FGF9: variants seen among roughly 807,000 people sequenced by gnomAD.
FGF9 encodes fibroblast growth factor 9 (glia-activating factor).
In FGF9, 3 loss-of-function variants were observed where a neutral mutation model predicts 19.9. The observed-to-expected ratio is 0.15, with a 90% CI of 0.07 to 0.39. The LOEUF is 0.39. Among genes scored for constraint, FGF9 ranks in the 10% least tolerant of loss-of-function variants. The pLI, the probability that FGF9 is intolerant of heterozygous loss-of-function variation, is 1.00. For synonymous variants in FGF9, 107 were observed against 106.9 expected (o/e 1.00, Z -0.01); for missense variants, 175 against 256.8 (o/e 0.68, Z 2.18).
chr13:21,685,099 G>C (rs531506948), intron 2 of FGF9, among the ~76,000 whole-genome samples: 2 of 152,126 alleles, frequency 1.3e-5, no homozygotes, highest in Admixed American at 6.5e-5. Flanking sequence ...GGAAAGAAAC[G>C]GGCAATGGTT....
rs1872582119 is a variant in FGF9, at chr13:21,702,968, T to A, written c.*1533T>A. 1.3e-5 allele frequency: 2 copies of A among 152,240 alleles called. No individual in the cohort carries two copies. The highest frequency in any genetic ancestry group is 1.3e-4 in the Admixed American group (2 of 15,288). 9.4% of individuals were successfully genotyped at this position (152,240 alleles called of 1,614,324 possible). On this transcript the variant is annotated 3_prime_UTR_variant, in exon 3 of 3. Coordinates refer to ENST00000382353, the MANE Select transcript of FGF9 (RefSeq NM_002010.3). ...TATCTTTTACAAGGCTTTTATAACA[T>A]TTTATGCTGAAAAGCATAAGAATAC...
At chr13:21,680,740 C>T (rs1872022359) in intron 1 of FGF9, among the ~76,000 whole-genome samples, 1 of 152,196 alleles carries the variant, frequency 6.6e-6, no homozygotes, top group African/African-American at 2.4e-5. Flanking sequence ...ACTGGTTTTT[C>T]TGTCCTATTA....
chr13:21,690,636 A>G (rs948847634), intron 2 of FGF9, among the ~76,000 whole-genome samples: 4 of 152,062 alleles, frequency 2.6e-5, no homozygotes, highest in Non-Finnish European at 5.9e-5. Flanking sequence ...CTTGCTTGTA[A>G]CCCCCAAATC....
At chr13:21,678,511 C>G (rs1871966732) in intron 1 of FGF9, among the ~76,000 whole-genome samples, 1 of 152,042 alleles carries the variant, frequency 6.6e-6, no homozygotes, top group African/African-American at 2.4e-5. Flanking sequence ...ACTAAATGCT[C>G]AAGAATTTTT....
At chr13:21,696,578 A>G (rs1872414827) in intron 2 of FGF9, among the ~76,000 whole-genome samples, 1 of 152,208 alleles carries the variant, frequency 6.6e-6, no homozygotes, top group South Asian at 2.1e-4. Flanking sequence ...TGAGTTCTAT[A>G]ATTCTAGAGT....
Position 21,701,629 on chromosome 13 carries a change from G to T in FGF9, c.*194G>T. ...CTGCACTTAAAGGCTTCTCCTCCTGGAGGGCTGCCTAGGGCCACTTGCTTG... is the reference window on the plus strand; with the variant it reads ...CTGCACTTAAAGGCTTCTCCTCCTGTAGGGCTGCCTAGGGCCACTTGCTTG... On this transcript the variant is annotated 3_prime_UTR_variant, in exon 3 of 3. Coordinates refer to ENST00000382353, the MANE Select transcript of FGF9 (RefSeq NM_002010.3). 1.4e-6 allele frequency: 1 copy of T among 703,660 alleles called. No individual in the cohort carries two copies. The allele number at this position is 703,660 out of a possible 1,614,324, so 43.6% of individuals were successfully genotyped here. A position where few individuals can be genotyped will look rare whatever the true frequency, so the allele number is the denominator to read the frequency against.
intron 2 of FGF9, among the ~76,000 whole-genome samples, chr13:21,686,230 T>G (rs1872154059): frequency 6.6e-6 from 1 of 152,150 alleles, no homozygotes; most frequent in Non-Finnish European, 1.5e-5. Context: ...GGTTTCACCA[T>G]GTTGACCGGG....
rs1285462141 is a variant in FGF9 at position 21,671,665 on chromosome 13, A to G, written c.-248A>G. On this transcript the variant is annotated 5_prime_UTR_variant, in exon 1 of 3. Coordinates refer to ENST00000382353, the MANE Select transcript of FGF9 (RefSeq NM_002010.3). Reference sequence around the variant, plus strand: ...TAGAGATACATAGATATGTTTATCAATATGTCAGTGTGTGAGTATAAAGTG... The same window carrying G: ...TAGAGATACATAGATATGTTTATCAGTATGTCAGTGTGTGAGTATAAAGTG... The G allele has an allele frequency of 1.3e-5, 8 of 606,414 alleles. No individual in the cohort carries two copies. Among genetic ancestry groups the G allele is most frequent in the Admixed American group, 2.9e-5 (1 of 34,158 alleles). The allele number at this position is 606,414 out of a possible 1,614,324, so 37.6% of individuals were successfully genotyped here.
chr13:21,674,656 T>A (rs1593089712), intron 1 of FGF9, among the ~76,000 whole-genome samples: 1 of 151,928 alleles, frequency 6.6e-6, no homozygotes, highest in South Asian at 2.1e-4. Context: ...GTGCAGAGAT[T>A]ATGGGATATT....
rs1872608083 is a variant in FGF9 at position 21,704,450 on chromosome 13, T to C, written c.*3015T>C. The C allele has an allele frequency of 6.6e-6, 1 of 152,252 alleles. No individual in the cohort carries two copies. Among genetic ancestry groups the C allele is most frequent in the Non-Finnish European group, 1.5e-5 (1 of 68,044 alleles). The allele number at this position is 152,252 out of a possible 1,614,324, so 9.4% of individuals were successfully genotyped here. A position where few individuals can be genotyped will look rare whatever the true frequency, so the allele number is the denominator to read the frequency against. The stretch of plus-strand genomic sequence containing the variant: ...TAATCTGTAATTGTATGTAAATACA[T>C]ACAGGATTATGTAATTTGTGTAAAT... On this transcript the variant is annotated 3_prime_UTR_variant, in exon 3 of 3. Coordinates refer to ENST00000382353, the MANE Select transcript of FGF9 (RefSeq NM_002010.3).
chr13:21,673,801 C>T (rs1051071448), intron 1 of FGF9, among the ~76,000 whole-genome samples: 2 of 150,904 alleles, frequency 1.3e-5, no homozygotes, highest in African/African-American at 4.8e-5. Flanking sequence ...CCTAGGTGTG[C>T]CAGGCGGCCG....
intron 1 of FGF9, among the ~76,000 whole-genome samples, chr13:21,675,999 G>T (rs1445379785): frequency 2.0e-5 from 3 of 151,034 alleles, no homozygotes; most frequent in Non-Finnish European, 2.9e-5. Context: ...ACTCGCAATT[G>T]TATCTCTGTG....
At chr13:21,681,173 T>G in intron 2 of FGF9, 28 bp downstream of exon 2, 1 of 1,449,140 alleles carries the variant, frequency 6.9e-7, no homozygotes, top group East Asian at 2.3e-5. Flanking sequence ...TTCATCCAGC[T>G]TTATCTCCAT....
chr13:21,697,875 T>C (rs1377724442), intron 2 of FGF9, among the ~76,000 whole-genome samples: 17 of 151,868 alleles, frequency 1.1e-4, no homozygotes, highest in Non-Finnish European at 2.2e-4. Flanking sequence ...GGCACGGTCT[T>C]GGCTCACTGC....
Position 21,672,316 on chromosome 13 carries a change from C to T in FGF9, c.277+127C>T. On this transcript the variant is annotated intron_variant, in intron 1 of 2. Coordinates refer to ENST00000382353, the MANE Select transcript of FGF9 (RefSeq NM_002010.3). This position sits in a 1 kb window ranked among gnomAD's most constrained non-coding sequence, Gnocchi z 4.2. Reference sequence around the variant, plus strand: ...CCTCCTCCCCTCTTTCTCTGTATCTCTGTCTCTCTCTCTCTCTGTCTTGCC... The same window carrying T: ...CCTCCTCCCCTCTTTCTCTGTATCTTTGTCTCTCTCTCTCTCTGTCTTGCC... 2.9e-6 allele frequency: 3 copies of T among 1,046,058 alleles called. No individual in the cohort carries two copies. Among genetic ancestry groups the T allele is most frequent in the Non-Finnish European group, 4.4e-6 (3 of 683,848 alleles). 64.8% of individuals were successfully genotyped at this position (1,046,058 alleles called of 1,614,324 possible).
chr13:21,685,099 G>A lies in FGF9; in HGVS notation c.381+3954G>A, dbSNP rs531506948. 6.8e-4 allele frequency among the ~76,000 whole-genome samples: 103 copies of A among 152,244 alleles called. 1 individual carries two copies. Among genetic ancestry groups the A allele is most frequent in the African/African-American group, 2.4e-3 (100 of 41,554 alleles). ...ATGAGATTGAGAGAAGGAAAGAAAC[G>A]GGCAATGGTTGTGTTACTAAATACA... On this transcript the variant is annotated intron_variant, in intron 2 of 2. Transcript: ENST00000382353.
At chr13:21,701,154 T>A in intron 2 of FGF9, 36 bp from the exon 3 acceptor site, 2 of 1,581,472 alleles carry the variant, frequency 1.3e-6, no homozygotes, top group Admixed American at 1.7e-5. Flanking sequence ...GCATTAGCTA[T>A]TTTTCCTAAT....
chr13:21,685,319 A>G (rs961193527), intron 2 of FGF9, among the ~76,000 whole-genome samples: 2 of 152,086 alleles, frequency 1.3e-5, no homozygotes, highest in Non-Finnish European at 2.9e-5. Flanking sequence ...GTATTTTCCT[A>G]TTTTGGGATT....
chr13:21,701,574 A>C lies in FGF9; in HGVS notation c.*139A>C. ...TTGTCGCATGCATAATGTATGATGG[A>C]GGCTTGGATGGGAATATGCTGATTT... On this transcript the variant is annotated 3_prime_UTR_variant, in exon 3 of 3. Coordinates refer to ENST00000382353, the MANE Select transcript of FGF9 (RefSeq NM_002010.3). 8.2e-7 allele frequency: 1 copy of C among 1,218,936 alleles called. No homozygotes were observed. Among genetic ancestry groups the C allele is most frequent in the South Asian group, 1.3e-5 (1 of 78,422 alleles). The allele number at this position is 1,218,936 out of a possible 1,614,324, so 75.5% of individuals were successfully genotyped here.
Sources: allele counts gnomAD v4.1 joint callset (sites outside exome capture counted in the v4.1 genomes callset), GRCh38; gene constraint gnomAD v4.1.1; non-coding constraint Gnocchi (gnomAD v3.1); transcripts MANE v1.5; gene names NCBI Gene and HGNC (gene_info 2026-07-23, HGNC 2026-07-21).